Variants in MTUS2 observed in about 807,000 individuals in gnomAD.
MTUS2 encodes the protein microtubule associated scaffold protein 2.
MTUS2 carries 40 observed loss-of-function variants against 114.1 expected under a neutral mutation model. That is an observed-to-expected ratio of 0.35 (90% CI 0.27 to 0.46). The LOEUF (loss-of-function observed/expected upper bound fraction) is 0.46. MTUS2 is among the 20% of genes least tolerant of loss of function. MTUS2 has a pLI of 1.00. For synonymous variants in MTUS2, 688 were observed against 672.0 expected (o/e 1.02, Z -0.37); for missense variants, 1,679 against 1,705.4 (o/e 0.98, Z 0.27).
At chr13:29,139,517 C>A (rs1039001037) in intron 5 of MTUS2, among the ~76,000 whole-genome samples, 1 of 152,014 alleles carries the variant, frequency 6.6e-6, no homozygotes, top group African/African-American at 2.4e-5. Context: ...ATGCTAAATT[C>A]TAATATCTAA....
At chr13:29,214,937 T>C (rs1895615870) in intron 5 of MTUS2, among the ~76,000 whole-genome samples, 1 of 152,176 alleles carries the variant, frequency 6.6e-6, no homozygotes, top group Non-Finnish European at 1.5e-5. Flanking sequence ...TTCTCCTGGA[T>C]AATATCCTGA....
intron 4 of MTUS2, among the ~76,000 whole-genome samples, chr13:29,061,181 A>T (rs1888401549): frequency 6.6e-6 from 1 of 152,158 alleles, no homozygotes; most frequent in Non-Finnish European, 1.5e-5. Context: ...TATTTCCTTG[A>T]AGATTATTGA....
intron 2 of MTUS2, among the ~76,000 whole-genome samples, chr13:28,866,264 T>G (rs555909220): frequency 6.6e-6 from 1 of 152,144 alleles, no homozygotes; most frequent in Non-Finnish European, 1.5e-5. Flanking sequence ...CCTGTGAGCT[T>G]AAATGTCAGT....
intron 5 of MTUS2, among the ~76,000 whole-genome samples, chr13:29,247,933 A>T (rs73168222): frequency 0.2 from 31,032 of 151,992 alleles, 3,413 homozygotes; most frequent in Middle Eastern, 0.26. Context: ...CGTTTTAGGA[A>T]AAAGACACTT....
At chr13:29,364,787 T>G (rs7991455) in intron 8 of MTUS2, among the ~76,000 whole-genome samples, 143,900 of 152,292 alleles carry the variant, frequency 0.94, 68,406 homozygotes, top group East Asian at 1. Context: ...AATTATACCT[T>G]ATCAGAATTG....
chr13:29,096,224 A>G (rs1018163908), intron 4 of MTUS2, among the ~76,000 whole-genome samples: 15 of 152,200 alleles, frequency 9.9e-5, no homozygotes, highest in African/African-American at 3.4e-4. Context: ...CACAGAAGAC[A>G]TAGCCTTGGG....
At chr13:28,927,196 C>T (rs559190302) in intron 2 of MTUS2, among the ~76,000 whole-genome samples, 1 of 152,144 alleles carries the variant, frequency 6.6e-6, no homozygotes, top group Non-Finnish European at 1.5e-5. Context: ...TTTGCAGCAG[C>T]CTATGACACT....
chr13:29,251,316 A>AATAATAATG (rs1389771791), intron 5 of MTUS2, among the ~76,000 whole-genome samples: 1 of 151,238 alleles, frequency 6.6e-6, no homozygotes, highest in African/African-American at 2.4e-5. Flanking sequence ...TAATAATAAT[A>AATAATAATG]ATAAATGCCT....
chr13:28,995,694 C>T (rs1273890999), intron 2 of MTUS2, among the ~76,000 whole-genome samples: 1 of 151,604 alleles, frequency 6.6e-6, no homozygotes, highest in Non-Finnish European at 1.5e-5. Context: ...TGATTTGGTT[C>T]TCTGTCTGTT....
chr13:29,325,455 C>CAA (rs761433335), intron 7 of MTUS2, among the ~76,000 whole-genome samples: 3 of 52,334 alleles, frequency 5.7e-5, no homozygotes, highest in African/African-American at 2.1e-4. Context: ...GACTTCATCT[C>CAA]AAAAAAAAAA....
At chr13:28,874,445 A>G (rs1014628546) in intron 2 of MTUS2, among the ~76,000 whole-genome samples, 3 of 152,194 alleles carry the variant, frequency 2.0e-5, no homozygotes, top group Non-Finnish European at 4.4e-5. Flanking sequence ...GAATTCAGGA[A>G]GGACTTGGCT....
intron 3 of MTUS2, 40 bp from the exon 4 acceptor site, chr13:29,033,845 T>A: frequency 1.2e-6 from 2 of 1,611,272 alleles, no homozygotes; most frequent in Non-Finnish European, 1.7e-6. Context: ...CACACTATGA[T>A]GTGAAGGTCT....
At chr13:29,377,986 C>T (rs1871881813) in intron 8 of MTUS2, among the ~76,000 whole-genome samples, 1 of 152,182 alleles carries the variant, frequency 6.6e-6, no homozygotes, top group African/African-American at 2.4e-5. Context: ...GGATGATTCT[C>T]AGAACATGCT....
chr13:28,830,184 A>T (rs2137946785), intron 1 of MTUS2, among the ~76,000 whole-genome samples: 1 of 152,322 alleles, frequency 6.6e-6, no homozygotes, highest in Middle Eastern at 3.4e-3. Flanking sequence ...ACAAACCTTT[A>T]TGCAGAGTGG....
Position 28,996,285 on chromosome 13 carries a change from C to T in MTUS2, c.-242-28172C>T, listed in dbSNP as rs139955953. ...GGTGGATAAGCTTTTTGATGTGTAG[C>T]TGGATTCCGTTTGCCAGTGTTTTAT... On this transcript the variant is annotated intron_variant, in intron 2 of 15. Coordinates refer to ENST00000612955, the MANE Select transcript of MTUS2 (RefSeq NM_001033602.4). 5.2e-3 allele frequency among the ~76,000 whole-genome samples: 798 copies of T among 152,300 alleles called. 4 individuals are homozygous for T. The highest frequency in any genetic ancestry group is 0.02 in the Middle Eastern group (6 of 294).
intron 5 of MTUS2, among the ~76,000 whole-genome samples, chr13:29,234,181 A>G (rs1896444745): frequency 6.6e-6 from 1 of 152,136 alleles, no homozygotes; most frequent in South Asian, 2.1e-4. Flanking sequence ...ATAATAATTG[A>G]TTTCGATTTT....
chr13:29,068,085 C>T (rs1888743804), intron 4 of MTUS2, among the ~76,000 whole-genome samples: 2 of 152,162 alleles, frequency 1.3e-5, no homozygotes, highest in African/African-American at 4.8e-5. Context: ...TAGTGAATTA[C>T]TGAGATGGTG....
intron 5 of MTUS2, among the ~76,000 whole-genome samples, chr13:29,130,419 A>T (rs1891709283): frequency 6.6e-6 from 1 of 152,002 alleles, no homozygotes; most frequent in African/African-American, 2.4e-5. Flanking sequence ...TCGAGACCTG[A>T]AATGCTTGTC....
At chr13:29,370,382 A>C (rs1871100207) in intron 8 of MTUS2, among the ~76,000 whole-genome samples, 1 of 152,068 alleles carries the variant, frequency 6.6e-6, no homozygotes, top group African/African-American at 2.4e-5. Flanking sequence ...GGATCACTTG[A>C]GCCCAGGATG....
Sources: gnomAD v4.1 joint callset for allele counts (sites outside exome capture counted in the v4.1 genomes callset) on GRCh38, gnomAD v4.1.1 for gene constraint, MANE v1.5 for transcripts, NCBI Gene and HGNC (gene_info 2026-07-23, HGNC 2026-07-21) for gene names.